The following GPR176 variants were observed in gnomAD, a reference collection of about 807,000 sequenced individuals.
GPR176 encodes G protein-coupled receptor 176.
A neutral mutation model predicts 35.4 loss-of-function variants in GPR176; 26 were observed. The observed-to-expected ratio is 0.74, with a 90% CI of 0.54 to 1.02. The LOEUF is 1.02. Ranked by LOEUF, GPR176 falls within the 50% of genes least tolerant of loss-of-function variation. GPR176 has a pLI of 0.00. For missense variants in GPR176, 597 were observed against 665.3 expected (o/e 0.90, Z 1.13); for synonymous variants, 278 against 271.3 (o/e 1.02, Z -0.24).
Position 39,801,989 on chromosome 15 carries a change from C to A in GPR176, c.691G>T (p.Ala231Ser). ...TTCTTCTTCTGGCTGGCACTCAGGG[C>A]CCGTCGGATCAGTATCAAGAAGAGG... ...VFLFLILIRRALSASQKKKVI... is the reference protein window; with the variant it reads ...VFLFLILIRRSLSASQKKKVI... Residue 231 changes from alanine (A) to serine (S), a missense_variant, in exon 3 of 3, where the codon GCC becomes TCC. Transcript: ENST00000561100. 1.2e-6 allele frequency: 2 copies of A among 1,614,074 alleles called. No individual in the cohort carries two copies. The highest frequency in any genetic ancestry group is 1.3e-5 in the African/African-American group (1 of 74,988).
intron 1 of GPR176, among the ~76,000 whole-genome samples, chr15:39,876,694 C>G (rs994503192): frequency 6.6e-6 from 1 of 151,488 alleles, no homozygotes; most frequent in Non-Finnish European, 1.5e-5. Context: ...AAAAAAAATA[C>G]AAAAATTAGC....
rs1300551755 is a variant in GPR176, at chr15:39,832,690, A to ACAC, written c.173-25433_173-25432insGTG. 4.9e-5 allele frequency among the ~76,000 whole-genome samples: 3 copies of ACAC among 60,896 alleles called. No homozygotes were observed. In the East Asian group the frequency reaches 1.9e-3, roughly 39 times the overall value. 40.0% of individuals were successfully genotyped at this position (60,896 alleles called of 152,430 possible). On this transcript the variant is annotated intron_variant, in intron 1 of 2. Coordinates refer to ENST00000561100, the MANE Select transcript of GPR176 (RefSeq NM_007223.3). Reference sequence around the variant, plus strand: ...ACACACACACACACACACACACACAAATCTTATAATGTCTTAAGAAAGTTT... The same window carrying ACAC: ...ACACACACACACACACACACACACAACACATCTTATAATGTCTTAAGAAAGTTT...
intron 1 of GPR176, among the ~76,000 whole-genome samples, chr15:39,810,775 G>A (rs768283357): frequency 1.3e-5 from 2 of 152,202 alleles, no homozygotes; most frequent in Non-Finnish European, 1.5e-5. Flanking sequence ...CAAGAGGGAG[G>A]CCAAAGTGGA....
chr15:39,815,920 A>G (rs1273705346), intron 1 of GPR176, among the ~76,000 whole-genome samples: 1 of 152,250 alleles, frequency 6.6e-6, no homozygotes, highest in Non-Finnish European at 1.5e-5. Flanking sequence ...GGATGAATGG[A>G]TAAATGGACG....
At chr15:39,874,829 A>G in intron 1 of GPR176, among the ~76,000 whole-genome samples, 1 of 152,162 alleles carries the variant, frequency 6.6e-6, no homozygotes, top group Non-Finnish European at 1.5e-5. Flanking sequence ...GGATCACCTG[A>G]GGTCGGGAGT....
intron 1 of GPR176, among the ~76,000 whole-genome samples, chr15:39,892,503 A>G (rs1399382456): frequency 2.0e-5 from 3 of 152,130 alleles, no homozygotes; most frequent in African/African-American, 7.2e-5. Flanking sequence ...CCCCTCCTCT[A>G]CCTCACCCTC....
chr15:39,863,731 A>G (rs1052740061), intron 1 of GPR176, among the ~76,000 whole-genome samples: 33 of 152,178 alleles, frequency 2.2e-4, no homozygotes, highest in Non-Finnish European at 3.5e-4. Context: ...TTTATCTTTT[A>G]AACTGTAATT....
intron 1 of GPR176, among the ~76,000 whole-genome samples, chr15:39,838,785 C>A (rs577588050): frequency 2.6e-5 from 4 of 152,164 alleles, no homozygotes; most frequent in Admixed American, 6.5e-5. Flanking sequence ...AACGGGGATG[C>A]CCTCTCTCAC....
At chr15:39,839,285 G>A (rs1901598602) in intron 1 of GPR176, among the ~76,000 whole-genome samples, 1 of 152,148 alleles carries the variant, frequency 6.6e-6, no homozygotes, top group African/African-American at 2.4e-5. Flanking sequence ...TACCAAAACA[G>A]AGATATAGAA....
chr15:39,881,907 T>C (rs796900139), intron 1 of GPR176, among the ~76,000 whole-genome samples: 80 of 152,366 alleles, frequency 5.3e-4, no homozygotes, highest in African/African-American at 1.9e-3. Context: ...AAGGAATATA[T>C]TGGACAATTA....
intron 1 of GPR176, among the ~76,000 whole-genome samples, chr15:39,874,357 T>C (rs1037792673): frequency 6.6e-6 from 1 of 152,208 alleles, no homozygotes; most frequent in Non-Finnish European, 1.5e-5. Flanking sequence ...TGTGATACCA[T>C]CCATTTTCAC....
intron 1 of GPR176, among the ~76,000 whole-genome samples, chr15:39,913,115 T>C (rs1246866506): frequency 6.6e-6 from 1 of 152,142 alleles, no homozygotes; most frequent in African/African-American, 2.4e-5. Context: ...TGAAATATGA[T>C]TCAGCAATAA....
At chr15:39,908,994 A>G (rs995426322) in intron 1 of GPR176, among the ~76,000 whole-genome samples, 3 of 152,250 alleles carry the variant, frequency 2.0e-5, no homozygotes, top group East Asian at 1.9e-4. Context: ...AAACCACACA[A>G]AGTATAAAGT....
At chr15:39,863,849 G>A (rs906036658) in intron 1 of GPR176, among the ~76,000 whole-genome samples, 2 of 152,044 alleles carry the variant, frequency 1.3e-5, no homozygotes, top group Non-Finnish European at 2.9e-5. Flanking sequence ...TACACTCTAT[G>A]GTGTTAACAC....
intron 1 of GPR176, among the ~76,000 whole-genome samples, chr15:39,870,363 A>AG (rs537623427): frequency 2.0e-5 from 3 of 152,278 alleles, no homozygotes; most frequent in Non-Finnish European, 2.9e-5. Flanking sequence ...GGCCTACTAC[A>AG]GGGGGGCTAT....
chr15:39,919,792 C>T (rs939296858), intron 1 of GPR176, 63 bp downstream of exon 1: 1 of 1,294,128 alleles, frequency 7.7e-7, no homozygotes, highest in African/African-American at 1.6e-5. Context: ...GGCCCTGCTC[C>T]CGGCTCTCCG....
At chr15:39,913,070 C>T (rs902793039) in intron 1 of GPR176, among the ~76,000 whole-genome samples, 5 of 151,964 alleles carry the variant, frequency 3.3e-5, no homozygotes, top group African/African-American at 1.2e-4. Flanking sequence ...GTCTATCAAA[C>T]GAATGGATAA....
chr15:39,877,188 T>G (rs941016829), intron 1 of GPR176, among the ~76,000 whole-genome samples: 1 of 152,168 alleles, frequency 6.6e-6, no homozygotes, highest in Non-Finnish European at 1.5e-5. Context: ...CATTCCCTAG[T>G]TTGCTGTCTC....
rs751995217 is a variant in GPR176, at chr15:39,801,756, C to T, written c.924G>A (p.Leu308=). Residue 308 remains leucine, a synonymous_variant, in exon 3 of 3, where the codon CTG becomes CTA. Coordinates refer to ENST00000561100, the MANE Select transcript of GPR176 (RefSeq NM_007223.3). ...SVFLLLTAVW[L]PKVSLLANPV... Reference sequence around the variant, plus strand: ...GGTTTGCCAGCAGGGAGACTTTGGGCAGCCAAACAGCAGTGAGCAGCAAGA... The same window carrying T: ...GGTTTGCCAGCAGGGAGACTTTGGGTAGCCAAACAGCAGTGAGCAGCAAGA... 1 of 1,613,872 alleles carries T rather than the reference C, an allele frequency of 6.2e-7. No individual in the cohort carries two copies. The highest frequency in any genetic ancestry group is 8.5e-7 in the Non-Finnish European group (1 of 1,179,874).
Sources: gnomAD v4.1 joint callset for allele counts (sites outside exome capture counted in the v4.1 genomes callset) on GRCh38, gnomAD v4.1.1 for gene constraint, MANE v1.5 for transcripts, NCBI Gene and HGNC (gene_info 2026-07-23, HGNC 2026-07-21) for gene names.